HS6ST3: variants seen among roughly 807,000 people sequenced by gnomAD.
HS6ST3 encodes the protein heparan-sulfate 6-O-sulfotransferase 3.
Under a neutral mutation model 36.7 loss-of-function variants are expected in HS6ST3, and 12 were observed. The ratio of observed to expected loss-of-function variants is 0.33; its 90% CI spans 0.21 to 0.53. The LOEUF is 0.53. Among genes scored for constraint, HS6ST3 ranks in the 20% least tolerant of loss-of-function variants. The probability of loss-of-function intolerance (pLI) is 0.95; values close to 1 mark genes in which losing one functional copy is unlikely to be tolerated. For synonymous variants in HS6ST3, 240 were observed against 257.5 expected, an observed-to-expected ratio of 0.93 and a Z score of 0.65; for missense variants, 584 against 640.9, an observed-to-expected ratio of 0.91 and a Z score of 0.96.
At chr13:96,345,776 T>C (rs573791809) in intron 1 of HS6ST3, among the ~76,000 whole-genome samples, 5 of 152,122 alleles carry the variant, frequency 3.3e-5, no homozygotes, top group African/African-American at 1.2e-4. Context: ...TGGACCACAT[T>C]GGAAGAAGAA....
At chr13:96,403,324 A>G (rs2055460960) in intron 1 of HS6ST3, among the ~76,000 whole-genome samples, 1 of 152,182 alleles carries the variant, frequency 6.6e-6, no homozygotes, top group South Asian at 2.1e-4. Context: ...ATATGATTCC[A>G]TTTGTCACTG....
intron 1 of HS6ST3, among the ~76,000 whole-genome samples, chr13:96,156,176 G>A (rs545420994): frequency 6.6e-6 from 1 of 152,158 alleles, no homozygotes; most frequent in Non-Finnish European, 1.5e-5. Flanking sequence ...GGAAGATAGG[G>A]TCATTATCCC....
chr13:96,396,237 C>G (rs1230838170), intron 1 of HS6ST3, among the ~76,000 whole-genome samples: 1 of 151,954 alleles, frequency 6.6e-6, no homozygotes, highest in Non-Finnish European at 1.5e-5. Flanking sequence ...TCGCTTGAGC[C>G]CAGGAGGCAG....
intron 1 of HS6ST3, among the ~76,000 whole-genome samples, chr13:96,591,860 G>C (rs1352845751): frequency 6.6e-6 from 1 of 151,892 alleles, no homozygotes; most frequent in Admixed American, 6.6e-5. Flanking sequence ...ATTATGTTGA[G>C]GTATGTTCCT....
intron 1 of HS6ST3, among the ~76,000 whole-genome samples, chr13:96,599,538 T>A (rs2056414004): frequency 6.6e-6 from 1 of 152,058 alleles, no homozygotes; most frequent in African/African-American, 2.4e-5. Context: ...TTTTCTTGGT[T>A]AATCTAAGTA....
chr13:96,166,284 A>T (rs1462107286), intron 1 of HS6ST3, among the ~76,000 whole-genome samples: 1 of 151,950 alleles, frequency 6.6e-6, no homozygotes, highest in Non-Finnish European at 1.5e-5. Flanking sequence ...AATTGATCTT[A>T]TCCAAAGGAA....
chr13:96,255,529 A>C (rs2054632674), intron 1 of HS6ST3, among the ~76,000 whole-genome samples: 1 of 152,164 alleles, frequency 6.6e-6, no homozygotes, highest in Admixed American at 6.5e-5. Context: ...TTCCCATCTA[A>C]AATTCTAGGG....
chr13:96,374,995 C>T (rs1367631838), intron 1 of HS6ST3, among the ~76,000 whole-genome samples: 2 of 152,092 alleles, frequency 1.3e-5, no homozygotes, highest in African/African-American at 2.4e-5. Flanking sequence ...TTGGCTCCTG[C>T]ACACCTGTTT....
At chr13:96,630,373 A>C (rs499673) in intron 1 of HS6ST3, among the ~76,000 whole-genome samples, 148,935 of 152,254 alleles carry the variant, frequency 0.98, 72,900 homozygotes, top group East Asian at 1. Context: ...ACATTTAATT[A>C]TTCGCTATGC....
At chr13:96,124,874 T>G (rs1420924314) in intron 1 of HS6ST3, among the ~76,000 whole-genome samples, 1 of 152,200 alleles carries the variant, frequency 6.6e-6, no homozygotes, top group Non-Finnish European at 1.5e-5. Context: ...ATGCTACCAA[T>G]GATACGCCAC....
intron 1 of HS6ST3, among the ~76,000 whole-genome samples, chr13:96,348,023 A>G (rs554206076): frequency 1.3e-5 from 2 of 152,352 alleles, no homozygotes; most frequent in South Asian, 4.1e-4. Flanking sequence ...CACTCAGTAA[A>G]TATTTGGTGA....
intron 1 of HS6ST3, among the ~76,000 whole-genome samples, chr13:96,327,071 G>A (rs2055036347): frequency 7.1e-6 from 1 of 140,222 alleles, no homozygotes; most frequent in South Asian, 2.4e-4. Context: ...TGTAGATTCT[G>A]GATATTAGCC....
At chr13:96,196,798 A>G (rs1194193624) in intron 1 of HS6ST3, among the ~76,000 whole-genome samples, 3 of 152,212 alleles carry the variant, frequency 2.0e-5, no homozygotes, top group Admixed American at 6.5e-5. Flanking sequence ...TTTCTTTGTT[A>G]CAAGACCCCA....
intron 1 of HS6ST3, 99 bp from the exon 2 acceptor site, chr13:96,832,389 CAA>C (rs1199745986): frequency 6.1e-6 from 5 of 817,978 alleles, no homozygotes; most frequent in Non-Finnish European, 9.3e-6. Flanking sequence ...GAACATTTGG[CAA>C]AGAGTCCCTT....
intron 1 of HS6ST3, among the ~76,000 whole-genome samples, chr13:96,418,367 C>T (rs569979796): frequency 8.9e-4 from 136 of 152,182 alleles, no homozygotes; most frequent in African/African-American, 3.1e-3. Context: ...AGCAAGTAGG[C>T]GATTTTGCAG....
At chr13:96,792,443 C>G (rs765847642) in intron 1 of HS6ST3, among the ~76,000 whole-genome samples, 4 of 151,936 alleles carry the variant, frequency 2.6e-5, no homozygotes, top group Non-Finnish European at 4.4e-5. Flanking sequence ...TAGTCTTCAA[C>G]TTCTCTGTGG....
intron 1 of HS6ST3, among the ~76,000 whole-genome samples, chr13:96,658,412 C>G (rs2056634564): frequency 6.6e-6 from 1 of 150,724 alleles, no homozygotes; most frequent in African/African-American, 2.4e-5. Context: ...TCCCGAGTAG[C>G]TGGGACTACA....
intron 1 of HS6ST3, among the ~76,000 whole-genome samples, chr13:96,346,559 A>AGC (rs1017623902): frequency 3.4e-4 from 48 of 141,058 alleles, no homozygotes; most frequent in African/African-American, 1.1e-3. Context: ...TGGGCGACAG[A>AGC]GAGACTCCGT....
chr13:96,554,581 C>G (rs2056232262), intron 1 of HS6ST3, among the ~76,000 whole-genome samples: 1 of 152,212 alleles, frequency 6.6e-6, no homozygotes, highest in Middle Eastern at 3.4e-3. Context: ...CTGTTAGGGT[C>G]AAAGAAGGAA....
Sources: allele counts gnomAD v4.1 joint callset (sites outside exome capture counted in the v4.1 genomes callset), GRCh38; gene constraint gnomAD v4.1.1; transcripts MANE v1.5; gene names NCBI Gene and HGNC (gene_info 2026-07-23, HGNC 2026-07-21).